The following FRMPD4 variants were observed in gnomAD, a reference collection of about 807,000 sequenced individuals.
FRMPD4 encodes FERM and PDZ domain containing 4.
In FRMPD4, 22 loss-of-function variants were observed where a neutral mutation model predicts 94.1. The observed-to-expected ratio is 0.23, with a 90% CI of 0.17 to 0.33. FRMPD4 has a LOEUF of 0.33. Among genes scored for constraint, FRMPD4 ranks in the 10% least tolerant of loss-of-function variants. FRMPD4 has a pLI of 1.00. For synonymous variants in FRMPD4, 631 were observed against 548.6 expected, an observed-to-expected ratio of 1.15 and a Z score of -2.10; for missense variants, 1,111 against 1,339.9, an observed-to-expected ratio of 0.83 and a Z score of 2.67.
chrX:12,667,134 T>C (rs1040435518), intron 4 of FRMPD4, among the ~76,000 whole-genome samples: 1 of 112,489 alleles, frequency 8.9e-6, no homozygotes, highest in Admixed American at 9.4e-5. Flanking sequence ...GTTATTTCAC[T>C]GTTTATAAAA....
chrX:12,583,460 G>C, intron 2 of FRMPD4: 33 of 1,201,140 alleles, frequency 2.7e-5, no homozygotes, highest in Non-Finnish European at 3.7e-5. Context: ...AACACCTCTG[G>C]ATCTTTCAGG....
At chrX:12,541,259 T>C (rs1321870501) in intron 2 of FRMPD4, among the ~76,000 whole-genome samples, 2 of 110,756 alleles carry the variant, frequency 1.8e-5, no homozygotes, top group Non-Finnish European at 3.8e-5. Flanking sequence ...CTGAAGGAGA[T>C]AGAGACACAA....
At chrX:12,715,422 C>T (rs1008188449) in intron 14 of FRMPD4, among the ~76,000 whole-genome samples, 2 of 111,996 alleles carry the variant, frequency 1.8e-5, no homozygotes, top group Non-Finnish European at 1.9e-5. Context: ...TACACACACA[C>T]ACACATATAC....
chrX:12,483,663 A>G (rs769422447), intron 1 of FRMPD4, among the ~76,000 whole-genome samples: 2 of 111,616 alleles, frequency 1.8e-5, no homozygotes, highest in Non-Finnish European at 3.8e-5. Context: ...GGCTGTTATT[A>G]GGAAAGATCA....
intron 4 of FRMPD4, among the ~76,000 whole-genome samples, chrX:12,674,063 C>G (rs998370950): frequency 8.0e-5 from 9 of 112,173 alleles, no homozygotes; most frequent in African/African-American, 2.6e-4. Context: ...GACCTTTCTC[C>G]TAGTCATGAT....
chrX:12,247,149 G>A (rs2053968709), intron 1 of FRMPD4, among the ~76,000 whole-genome samples: 1 of 111,242 alleles, frequency 9.0e-6, no homozygotes, highest in Non-Finnish European at 1.9e-5. Flanking sequence ...TGTTGTGCAG[G>A]GCTATCCTGT....
chrX:12,538,800 TC>T (rs2058370815), intron 2 of FRMPD4, among the ~76,000 whole-genome samples: 1 of 111,576 alleles, frequency 9.0e-6, no homozygotes, highest in Non-Finnish European at 1.9e-5. Flanking sequence ...CAAAACCCCA[TC>T]TGTACGTCAC....
chrX:12,508,991 CAAAAAAAAAAAAA>C (rs770698547), intron 2 of FRMPD4, among the ~76,000 whole-genome samples: 1 of 30,538 alleles, frequency 3.3e-5, no homozygotes, highest in Non-Finnish European at 5.3e-5. Flanking sequence ...GACTCTGTCT[CAAAAAAAAAAAAA>C]AAAAAAAAAA....
rs752066156 is a variant in FRMPD4, at chrX:11,852,251, T to A, written c.-160-12835T>A. 2.4e-3 allele frequency among the ~76,000 whole-genome samples: 261 copies of A among 109,040 alleles called. 1 individual carries two copies. Among genetic ancestry groups the A allele is most frequent in the Non-Finnish European group, 3.9e-3 (206 of 52,565 alleles). 94.7% of individuals were successfully genotyped at this position (109,040 alleles called of 115,157 possible). A position where few individuals can be genotyped will look rare whatever the true frequency, so the allele number is the denominator to read the frequency against. On this transcript the variant is annotated intron_variant, in intron 1 of 18. Coordinates refer to the FRMPD4 transcript ENST00000640291. ...CTATTTAGGAACTACTTATGTATCATTAGGAGGGAGCAGCAGGCTTTCTGA... is the reference window on the plus strand; with the variant it reads ...CTATTTAGGAACTACTTATGTATCAATAGGAGGGAGCAGCAGGCTTTCTGA...
intron 1 of FRMPD4, among the ~76,000 whole-genome samples, chrX:12,272,366 T>C: frequency 9.0e-6 from 1 of 111,352 alleles, no homozygotes; most frequent in East Asian, 2.8e-4. Context: ...CCTAAAGTCA[T>C]TGACAGTGGA....
chrX:12,419,217 C>T (rs2056851102), intron 1 of FRMPD4, among the ~76,000 whole-genome samples: 1 of 111,498 alleles, frequency 9.0e-6, no homozygotes, highest in African/African-American at 3.3e-5. Context: ...ATCACCTCCT[C>T]CCCCTTGTGA....
chrX:12,031,633 G>A (rs972563445), intron 3 of FRMPD4, among the ~76,000 whole-genome samples: 1 of 111,641 alleles, frequency 9.0e-6, no homozygotes, highest in East Asian at 2.8e-4. Context: ...AGTGGGTGGA[G>A]GCCAGTGATA....
rs191646490 is a variant in FRMPD4, at chrX:11,872,105, T to A, written c.-29-5790T>A. 8.4e-4 allele frequency among the ~76,000 whole-genome samples: 95 copies of A among 112,549 alleles called. 1 individual carries two copies. Among genetic ancestry groups the A allele is most frequent in the African/African-American group, 3.0e-3 (94 of 31,033 alleles). On this transcript the variant is annotated intron_variant, in intron 2 of 18. Transcript: ENST00000640291. ...CAATGAAAAATGCACAGAGCCTTTT[T>A]GAGCAATGACTTGCATCTGATTATA...
intron 1 of FRMPD4, among the ~76,000 whole-genome samples, chrX:12,285,110 A>G (rs2054581945): frequency 9.0e-6 from 1 of 111,635 alleles, no homozygotes; most frequent in Admixed American, 9.5e-5. Context: ...TTCTACCTCC[A>G]TCCCCATTCA....
In FRMPD4 at chrX:12,621,255, C is replaced by CA. The variant is rs1308639052; in HGVS notation, c.422+6382dup. On this transcript the variant is annotated intron_variant, in intron 4 of 16. Transcript: ENST00000675598. ...AAAAAAAGAAAACAAAACAAACAAA[C>CA]AAAAAAAACGACTGAAAGAGATGTT... Among the ~76,000 whole-genome samples the CA allele has an allele frequency of 2.1e-4, 23 of 108,618 alleles. No homozygotes were observed. In the South Asian group the frequency reaches 2.9e-3, roughly 14 times the overall value. 94.3% of individuals were successfully genotyped at this position (108,618 alleles called of 115,157 possible).
At chrX:11,925,893 G>A (rs1040123969) in intron 3 of FRMPD4, among the ~76,000 whole-genome samples, 3 of 110,406 alleles carry the variant, frequency 2.7e-5, no homozygotes, top group Non-Finnish European at 5.7e-5. Flanking sequence ...ACGACAATCC[G>A]AGCTGAACTG....
At chrX:12,566,241 C>T (rs1290193872) in intron 2 of FRMPD4, among the ~76,000 whole-genome samples, 1 of 110,860 alleles carries the variant, frequency 9.0e-6, no homozygotes, top group Admixed American at 9.6e-5. Flanking sequence ...GCAGCAAAAG[C>T]GGAAAAAGAA....
At chrX:12,140,550 G>A (rs1380078365) in intron 1 of FRMPD4, among the ~76,000 whole-genome samples, 1 of 112,055 alleles carries the variant, frequency 8.9e-6, no homozygotes, top group East Asian at 2.8e-4. Context: ...GGTACCCTCC[G>A]TGTGATGGAC....
chrX:12,051,764 T>G (rs2054820165), intron 3 of FRMPD4, among the ~76,000 whole-genome samples: 1 of 111,418 alleles, frequency 9.0e-6, no homozygotes, highest in Non-Finnish European at 1.9e-5. Context: ...ATCCATCTGT[T>G]TATTCAACCA....
Sources: allele counts gnomAD v4.1 joint callset (sites outside exome capture counted in the v4.1 genomes callset), GRCh38; gene constraint gnomAD v4.1.1; transcripts MANE v1.5; gene names NCBI Gene and HGNC (gene_info 2026-07-23, HGNC 2026-07-21).